Variants in PTPRD observed in about 807,000 individuals in gnomAD.
The protein encoded by PTPRD is protein tyrosine phosphatase receptor type D.
A neutral mutation model predicts 214.5 loss-of-function variants in PTPRD; 34 were observed. That is an observed-to-expected ratio of 0.16 (90% CI 0.12 to 0.21). The LOEUF (loss-of-function observed/expected upper bound fraction) is 0.21. Among genes scored for constraint, PTPRD ranks in the 10% least tolerant of loss-of-function variants. The pLI, the probability that PTPRD is intolerant of heterozygous loss-of-function variation, is 1.00. For missense variants in PTPRD, 2,545 were observed against 2,398.7 expected (o/e 1.06, Z -1.27); for synonymous variants, 1,128 against 845.7 (o/e 1.33, Z -5.79).
At chr9:10,405,845 T>A (rs990272460) in intron 2 of PTPRD, among the ~76,000 whole-genome samples, 2 of 151,394 alleles carry the variant, frequency 1.3e-5, no homozygotes, top group African/African-American at 4.8e-5. Flanking sequence ...AAAATAAAAT[T>A]TAAAAGAATT....
chr9:9,564,262 G>A (rs1375926876), intron 8 of PTPRD, among the ~76,000 whole-genome samples: 1 of 152,044 alleles, frequency 6.6e-6, no homozygotes, highest in African/African-American at 2.4e-5. Flanking sequence ...CTCCATGAGT[G>A]ATTCTGATGA....
At chr9:10,111,447 C>G (rs2098691362) in intron 3 of PTPRD, among the ~76,000 whole-genome samples, 1 of 151,354 alleles carries the variant, frequency 6.6e-6, no homozygotes, top group African/African-American at 2.4e-5. Context: ...ACCGTTTTAG[C>G]CGGGATGGTC....
At chr9:10,245,835 G>C (rs568533068) in intron 3 of PTPRD, among the ~76,000 whole-genome samples, 4 of 152,212 alleles carry the variant, frequency 2.6e-5, no homozygotes. Flanking sequence ...GCTCAAATAA[G>C]GAAGAGATAG....
At chr9:9,627,433 G>A (rs1475523569) in intron 7 of PTPRD, among the ~76,000 whole-genome samples, 2 of 152,190 alleles carry the variant, frequency 1.3e-5, no homozygotes, top group East Asian at 1.9e-4. Context: ...TCTGATGAGA[G>A]AGCTAGAGAT....
At chr9:9,184,414 C>T (rs1412917869) in intron 9 of PTPRD, among the ~76,000 whole-genome samples, 3 of 151,982 alleles carry the variant, frequency 2.0e-5, no homozygotes, top group Non-Finnish European at 4.4e-5. Context: ...TAGGTTAAAT[C>T]CCTAAGGACC....
At chr9:9,224,346 T>C (rs2099958074) in intron 9 of PTPRD, among the ~76,000 whole-genome samples, 1 of 151,970 alleles carries the variant, frequency 6.6e-6, no homozygotes, top group African/African-American at 2.4e-5. Flanking sequence ...TCAGGAAAAT[T>C]TTCAATTTTA....
intron 4 of PTPRD, among the ~76,000 whole-genome samples, chr9:10,006,001 G>T (rs1447179031): frequency 6.6e-6 from 1 of 151,522 alleles, no homozygotes; most frequent in Admixed American, 6.6e-5. Context: ...AACAAGGCAG[G>T]GCATGCAATT....
chr9:9,647,413 A>G (rs1465750152), intron 7 of PTPRD, among the ~76,000 whole-genome samples: 1 of 152,074 alleles, frequency 6.6e-6, no homozygotes, highest in East Asian at 1.9e-4. Context: ...ACTTTTGGTT[A>G]CGGGTGAATA....
chr9:9,975,424 G>A (rs1436962067), intron 4 of PTPRD, among the ~76,000 whole-genome samples: 1 of 152,190 alleles, frequency 6.6e-6, no homozygotes, highest in Non-Finnish European at 1.5e-5. Flanking sequence ...TTTCAGTAGT[G>A]GACAATGCGT....
intron 6 of PTPRD, 46 bp from the exon 7 acceptor site, chr9:9,734,617 G>C (rs1488726943): frequency 6.6e-6 from 1 of 151,970 alleles, no homozygotes; most frequent in Non-Finnish European, 1.5e-5. Context: ...AAGAGTTTTT[G>C]TTTCAGAAAA....
At chr9:9,577,829 T>C (rs1192196433) in intron 7 of PTPRD, among the ~76,000 whole-genome samples, 1 of 151,712 alleles carries the variant, frequency 6.6e-6, no homozygotes, top group Admixed American at 6.6e-5. Context: ...GTGGATCACC[T>C]GAGGTTGGGA....
At chr9:9,438,058 C>T (rs1440035579) in intron 8 of PTPRD, among the ~76,000 whole-genome samples, 3 of 152,170 alleles carry the variant, frequency 2.0e-5, no homozygotes, top group Non-Finnish European at 4.4e-5. Flanking sequence ...GTTCCGATGG[C>T]TTTCCCTCTG....
intron 11 of PTPRD, among the ~76,000 whole-genome samples, chr9:8,823,950 T>C (rs910969254): frequency 2.6e-5 from 4 of 152,202 alleles, no homozygotes; most frequent in Admixed American, 2.6e-4. Flanking sequence ...AGGGGTGGAT[T>C]ATTCATGTCT....
At chr9:8,660,137 A>C (rs2097007785) in intron 12 of PTPRD, among the ~76,000 whole-genome samples, 1 of 152,208 alleles carries the variant, frequency 6.6e-6, no homozygotes, top group African/African-American at 2.4e-5. Flanking sequence ...TACCCACCTC[A>C]GTTTCCCCAA....
At chr9:10,098,901 T>C (rs1171682349) in intron 3 of PTPRD, among the ~76,000 whole-genome samples, 1 of 151,756 alleles carries the variant, frequency 6.6e-6, no homozygotes. Context: ...CAGTATACAA[T>C]ATTTTTCTCA....
chr9:10,239,340 G>T (rs2099639336), intron 3 of PTPRD, among the ~76,000 whole-genome samples: 1 of 151,920 alleles, frequency 6.6e-6, no homozygotes, highest in Non-Finnish European at 1.5e-5. Context: ...ACTCATTAAA[G>T]ACATTCTATG....
rs1460755629 is a variant in PTPRD, at chr9:8,377,600, C to G, written c.4387-874G>C. Among the ~76,000 whole-genome samples the G allele has an allele frequency of 2.0e-5, 3 of 151,918 alleles. No homozygotes were observed. In the East Asian group the frequency reaches 5.8e-4, roughly 29 times the overall value. ...ATCTGACTATATTTACCCTTTCTAT[C>G]TCAGACTTTTTTTTAATGGGACTAA... On this transcript the variant is annotated intron_variant, in intron 37 of 45. Coordinates refer to ENST00000381196, the MANE Select transcript of PTPRD (RefSeq NM_002839.4).
At chr9:9,040,669 A>G (rs746377809) in intron 10 of PTPRD, among the ~76,000 whole-genome samples, 1 of 152,202 alleles carries the variant, frequency 6.6e-6, no homozygotes, top group Non-Finnish European at 1.5e-5. Flanking sequence ...TAGAATTTCT[A>G]AAAGCTGAAC....
intron 36 of PTPRD, among the ~76,000 whole-genome samples, chr9:8,399,564 C>CA (rs145522863): frequency 0.13 from 19,641 of 151,850 alleles, 1,409 homozygotes; most frequent in African/African-American, 0.16. Context: ...ATTAAACAAA[C>CA]AAAAAAACAC....
Sources: gnomAD v4.1 joint callset for allele counts (sites outside exome capture counted in the v4.1 genomes callset) on GRCh38, gnomAD v4.1.1 for gene constraint, MANE v1.5 for transcripts, NCBI Gene and HGNC (gene_info 2026-07-23, HGNC 2026-07-21) for gene names.